The following MRTFA variants were observed in gnomAD, a reference collection of about 807,000 sequenced individuals.
MRTFA encodes myocardin related transcription factor A.
MRTFA carries 20 observed loss-of-function variants against 83.5 expected under a neutral mutation model. The ratio of observed to expected loss-of-function variants is 0.24; its 90% CI spans 0.17 to 0.35. The LOEUF is 0.35. Ranked by LOEUF, MRTFA falls within the 10% of genes least tolerant of loss-of-function variation. The pLI is 1.00. For missense variants in MRTFA, 1,200 were observed against 1,224.7 expected (o/e 0.98, Z 0.30); for synonymous variants, 659 against 541.2 (o/e 1.22, Z -3.02).
intron 2 of MRTFA, among the ~76,000 whole-genome samples, chr22:40,553,625 C>A (rs1390213515): frequency 6.6e-6 from 1 of 152,154 alleles, no homozygotes; most frequent in Non-Finnish European, 1.5e-5. Context: ...TATGGCAACA[C>A]CTGGATGTCC....
At chr22:40,541,741 A>C (rs1305841633) in intron 3 of MRTFA, among the ~76,000 whole-genome samples, 2 of 151,914 alleles carry the variant, frequency 1.3e-5, no homozygotes, top group Non-Finnish European at 2.9e-5. Flanking sequence ...GTCTCGGCTC[A>C]CTGTAATCTC....
chr22:40,557,550 C>T (rs182970461), intron 2 of MRTFA, among the ~76,000 whole-genome samples: 5 of 152,012 alleles, frequency 3.3e-5, no homozygotes, highest in Admixed American at 1.3e-4. Flanking sequence ...GTGGGAGGAT[C>T]GCTAGAGCCC....
chr22:40,447,619 G>T (rs976079385), intron 4 of MRTFA, among the ~76,000 whole-genome samples: 1 of 152,158 alleles, frequency 6.6e-6, no homozygotes, highest in Admixed American at 6.5e-5. Flanking sequence ...TGGTGCCTGC[G>T]AACCTTGACA....
intron 3 of MRTFA, among the ~76,000 whole-genome samples, chr22:40,468,303 G>T (rs748135282): frequency 7.2e-5 from 11 of 152,180 alleles, no homozygotes; most frequent in Non-Finnish European, 1.2e-4. Context: ...GATTTCACTG[G>T]AAAGGAAACA....
chr22:40,440,821 C>T (rs1191064955), intron 4 of MRTFA, among the ~76,000 whole-genome samples: 3 of 152,182 alleles, frequency 2.0e-5, no homozygotes, highest in Non-Finnish European at 2.9e-5. Context: ...CCTCAAGTTC[C>T]ATGCCAAGGA....
Position 40,463,075 on chromosome 22 carries a change from A to G in MRTFA, c.307+146T>C, listed in dbSNP as rs2053743437. On this transcript the variant is annotated intron_variant, in intron 4 of 14. Coordinates refer to ENST00000355630, the MANE Select transcript of MRTFA (RefSeq NM_020831.6). ...CTTAACTATTTAGTGATTGAGCTCT[A>G]AACTTGGAAAGTCATGAGAAAGAAG... The G allele has an allele frequency of 1.4e-5, 10 of 729,054 alleles. No individual in the cohort carries two copies. In the South Asian group the frequency reaches 1.7e-4, roughly 12 times the overall value. The allele number at this position is 729,054 out of a possible 1,614,324, so 45.2% of individuals were successfully genotyped here.
intron 3 of MRTFA, among the ~76,000 whole-genome samples, chr22:40,475,605 T>C (rs2053981012): frequency 6.6e-6 from 1 of 152,230 alleles, no homozygotes; most frequent in Admixed American, 6.5e-5. Context: ...TAACATTAGC[T>C]AGCACACATG....
rs753538642 is a variant in MRTFA, at chr22:40,418,936, T to C, written c.1802A>G (p.Glu601Gly). The change falls in exon 12 of 15, where the codon GAG becomes GGG. Residue 601 changes from glutamate to glycine, a missense_variant. Coordinates refer to ENST00000355630, the MANE Select transcript of MRTFA (RefSeq NM_020831.6). ...GCAACAGGACCCGGCCCGGGGGCCC[T>C]CCTCCTTCACGAGGATCTGCAGTGG... 1.2e-6 allele frequency: 2 copies of C among 1,612,634 alleles called. No individual in the cohort carries two copies. Among genetic ancestry groups the C allele is most frequent in the African/African-American group, 2.7e-5 (2 of 74,894 alleles).
chr22:40,578,795 C>T (rs969308614), intron 2 of MRTFA, among the ~76,000 whole-genome samples: 1 of 152,048 alleles, frequency 6.6e-6, no homozygotes, highest in Non-Finnish European at 1.5e-5. Flanking sequence ...TGGTGGCACA[C>T]ACCTGTGGTC....
At chr22:40,469,765 G>A (rs2053868359) in intron 3 of MRTFA, among the ~76,000 whole-genome samples, 1 of 152,086 alleles carries the variant, frequency 6.6e-6, no homozygotes, top group African/African-American at 2.4e-5. Flanking sequence ...ATTCTGTGAT[G>A]ACAATGGAAT....
chr22:40,599,731 G>A (rs1374957091), intron 1 of MRTFA, among the ~76,000 whole-genome samples: 3 of 151,638 alleles, frequency 2.0e-5, no homozygotes, highest in East Asian at 1.9e-4. Context: ...AAACCCCATC[G>A]CTACAAAAAA....
chr22:40,596,323 G>A (rs764003168), intron 1 of MRTFA, among the ~76,000 whole-genome samples: 1 of 152,110 alleles, frequency 6.6e-6, no homozygotes, highest in Non-Finnish European at 1.5e-5. Flanking sequence ...AAAAAAGGAG[G>A]GGAGAGAAAC....
At position 40,475,728 on chromosome 22, in the gene MRTFA, A is replaced by G. The variant is rs185025887; in HGVS notation, c.242-12442T>C. Reference sequence around the variant, plus strand: ...AATTGCTTGTTTCTTTAAAACAACAATTAAAATAGTTATGTATTTTTCAGT... The same window carrying G: ...AATTGCTTGTTTCTTTAAAACAACAGTTAAAATAGTTATGTATTTTTCAGT... On this transcript the variant is annotated intron_variant, in intron 3 of 14. Coordinates refer to ENST00000355630, the MANE Select transcript of MRTFA (RefSeq NM_020831.6). Among the ~76,000 whole-genome samples the G allele has an allele frequency of 1.2e-4, 18 of 152,394 alleles. No individual in the cohort carries two copies. In the East Asian group the frequency reaches 3.3e-3, roughly 28 times the overall value.
chr22:40,451,534 C>T (rs1682684099), intron 4 of MRTFA, among the ~76,000 whole-genome samples: 1 of 152,192 alleles, frequency 6.6e-6, no homozygotes, highest in South Asian at 2.1e-4. Flanking sequence ...ACGCAGGATG[C>T]TCAATCTTTT....
rs750785886 is a variant in MRTFA, at chr22:40,435,590, C to T, written c.308-36G>A. 3.1e-6 allele frequency: 5 copies of T among 1,608,712 alleles called. No homozygotes were observed. In the South Asian group the frequency reaches 3.3e-5, roughly 11 times the overall value. ...AAGAACCGTAAAGATTACCTTCAAG[C>T]GAAGCATCATGTCTAGTGCTACGAT... On this transcript the variant is annotated intron_variant, in intron 4 of 14. Transcript: ENST00000355630.
chr22:40,420,834 A>C lies in MRTFA; in HGVS notation c.1181+13T>G. 1 of 1,612,826 alleles carries C rather than the reference A, an allele frequency of 6.2e-7. No homozygotes were observed. Among genetic ancestry groups the C allele is most frequent in the South Asian group, 1.1e-5 (1 of 91,064 alleles). On this transcript the variant is annotated intron_variant, in intron 10 of 14. Transcript: ENST00000355630. The stretch of plus-strand genomic sequence containing the variant: ...GGGAGGGCAGGGGCAGGCAGTGAGG[A>C]GCGGGTGCCTACTTTGGCGGGGCAG...
At chr22:40,597,621 G>A (rs2056209074) in intron 1 of MRTFA, among the ~76,000 whole-genome samples, 1 of 152,188 alleles carries the variant, frequency 6.6e-6, no homozygotes, top group Admixed American at 6.5e-5. Flanking sequence ...CATATGGTAG[G>A]AGTTTAAGAA....
intron 7 of MRTFA, chr22:40,429,217 C>G: frequency 1.7e-6 from 1 of 586,228 alleles, no homozygotes; most frequent in Middle Eastern, 4.6e-4. Flanking sequence ...AAGGGCCAGT[C>G]TCCAAGAAGA....
intron 3 of MRTFA, chr22:40,533,676 A>G: frequency 8.6e-7 from 1 of 1,167,214 alleles, no homozygotes; most frequent in Non-Finnish European, 1.1e-6. Flanking sequence ...AATATAATGA[A>G]GAAAGTCAAA....
Sources: allele counts gnomAD v4.1 joint callset (sites outside exome capture counted in the v4.1 genomes callset), GRCh38; gene constraint gnomAD v4.1.1; transcripts MANE v1.5; gene names NCBI Gene and HGNC (gene_info 2026-07-23, HGNC 2026-07-21).